The following VTA1 variants were observed in gnomAD, a reference collection of about 807,000 sequenced individuals.
VTA1 encodes vesicle trafficking 1.
Under a neutral mutation model 36.9 loss-of-function variants are expected in VTA1, and 24 were observed. The ratio of observed to expected loss-of-function variants is 0.65; its 90% CI spans 0.47 to 0.91. The LOEUF (loss-of-function observed/expected upper bound fraction) is 0.91. VTA1 is among the 40% of genes least tolerant of loss of function. The pLI, the probability that VTA1 is intolerant of heterozygous loss-of-function variation, is 0.00. For synonymous variants in VTA1, 142 were observed against 130.2 expected, an observed-to-expected ratio of 1.09 and a Z score of -0.62; for missense variants, 393 against 377.2, an observed-to-expected ratio of 1.04 and a Z score of -0.35.
chr6:142,206,939 TAACTC>T (rs1163486637), intron 7 of VTA1, among the ~76,000 whole-genome samples: 1 of 152,160 alleles, frequency 6.6e-6, no homozygotes, highest in Non-Finnish European at 1.5e-5. Context: ...TCTCAAAATT[TAACTC>T]AAAATGGTTC....
chr6:142,210,343 A>G (rs534783580), intron 7 of VTA1, among the ~76,000 whole-genome samples: 2 of 152,336 alleles, frequency 1.3e-5, no homozygotes, highest in African/African-American at 4.8e-5. Flanking sequence ...CATTAGAGAA[A>G]TGCTCCAGGA....
At chr6:142,200,119 G>A (rs1454086646) in intron 6 of VTA1, among the ~76,000 whole-genome samples, 1 of 152,070 alleles carries the variant, frequency 6.6e-6, no homozygotes, top group East Asian at 1.9e-4. Flanking sequence ...CCATGCTAAA[G>A]CATAAACTCA....
chr6:142,167,162 C>T (rs1774932676), intron 2 of VTA1, among the ~76,000 whole-genome samples: 2 of 152,096 alleles, frequency 1.3e-5, no homozygotes, highest in Admixed American at 6.5e-5. Context: ...TAATTAGTCA[C>T]CTTCTTGAAC....
intron 1 of VTA1, among the ~76,000 whole-genome samples, chr6:142,151,483 C>T (rs1778567355): frequency 6.6e-6 from 1 of 152,162 alleles, no homozygotes; most frequent in Non-Finnish European, 1.5e-5. Flanking sequence ...TTGTTTCATC[C>T]AAACAAGCTC....
intron 7 of VTA1, among the ~76,000 whole-genome samples, chr6:142,207,699 A>T (rs1331061261): frequency 1.3e-5 from 2 of 151,642 alleles, no homozygotes; most frequent in Admixed American, 1.3e-4. Context: ...GAAAACTGGA[A>T]TAAATAACTA....
intron 7 of VTA1, among the ~76,000 whole-genome samples, chr6:142,208,591 G>A (rs187849945): frequency 5.8e-4 from 89 of 152,140 alleles, no homozygotes; most frequent in South Asian, 1.0e-3. Flanking sequence ...TTTTAACACC[G>A]AACAGATTCA....
Position 142,218,578 on chromosome 6 carries a change from G to T in VTA1, c.859G>T (p.Asp287Tyr). 2 of 1,613,576 alleles carry T rather than the reference G, an allele frequency of 1.2e-6. No individual in the cohort carries two copies. The highest frequency in any genetic ancestry group is 1.3e-5 in the African/African-American group (1 of 75,012). ...KYAGSALQYE[D>Y]VSTAVQNLQK... ...TGCTGGCAGTGCTTTGCAGTATGAA[G>T]ATGTAAGCACTGCTGTCCAGAATCT... Residue 287 changes from aspartate (D) to tyrosine (Y), a missense_variant, in exon 8 of 8, where the codon GAT (aspartate) becomes TAT (tyrosine). Physicochemically the swap from Asp to Tyr is radical, Grantham distance 160. Coordinates refer to ENST00000367630, the MANE Select transcript of VTA1 (RefSeq NM_016485.5).
chr6:142,166,340 C>A lies in VTA1; in HGVS notation c.207+18C>A, dbSNP rs772550011. On this transcript the variant is annotated intron_variant, in intron 2 of 7. Coordinates refer to ENST00000367630, the MANE Select transcript of VTA1 (RefSeq NM_016485.5). ...TAGAAGCTGTAAGTTAACCACTGAT[C>A]ATTTATTTTCTGGTTATGGTTAAAA... The A allele has an allele frequency of 7.9e-6, 12 of 1,512,482 alleles. No individual in the cohort carries two copies. Among genetic ancestry groups the A allele is most frequent in the African/African-American group, 1.4e-5 (1 of 72,392 alleles). The allele number at this position is 1,512,482 out of a possible 1,614,324, so 93.7% of individuals were successfully genotyped here.
At chr6:142,172,441 C>G (rs1775045257) in intron 4 of VTA1, among the ~76,000 whole-genome samples, 1 of 152,218 alleles carries the variant, frequency 6.6e-6, no homozygotes, top group Non-Finnish European at 1.5e-5. Flanking sequence ...TATTTCAAAA[C>G]AGCCCTACCC....
chr6:142,164,747 A>T (rs1774882243), intron 1 of VTA1, among the ~76,000 whole-genome samples: 1 of 152,226 alleles, frequency 6.6e-6, no homozygotes, highest in Non-Finnish European at 1.5e-5. Context: ...CTATTATCCC[A>T]TGGAAACTTA....
chr6:142,210,379 G>A (rs922965904), intron 7 of VTA1, among the ~76,000 whole-genome samples: 1 of 152,058 alleles, frequency 6.6e-6, no homozygotes, highest in African/African-American at 2.4e-5. Flanking sequence ...AGATTTTTTT[G>A]TGTGTAAGAC....
At chr6:142,206,757 A>G (rs1775799358) in intron 7 of VTA1, among the ~76,000 whole-genome samples, 1 of 152,220 alleles carries the variant, frequency 6.6e-6, no homozygotes, top group South Asian at 2.1e-4. Flanking sequence ...CAAATAGATC[A>G]GTGAGACAGA....
intron 1 of VTA1, among the ~76,000 whole-genome samples, chr6:142,148,936 A>G (rs902272652): frequency 1.3e-5 from 2 of 152,142 alleles, no homozygotes; most frequent in African/African-American, 4.8e-5. Flanking sequence ...GAGTGATGGG[A>G]TAAGGTCAAA....
At chr6:142,181,116 T>TATATATATACAC (rs753996612) in intron 4 of VTA1, among the ~76,000 whole-genome samples, 8 of 87,068 alleles carry the variant, frequency 9.2e-5, no homozygotes, top group Non-Finnish European at 1.1e-4. Flanking sequence ...TATATATATA[T>TATATATATACAC]ACACACACAC....
At chr6:142,205,943 CAAAG>C (rs1775783710) in intron 7 of VTA1, among the ~76,000 whole-genome samples, 2 of 152,070 alleles carry the variant, frequency 1.3e-5, no homozygotes, top group African/African-American at 2.4e-5. Context: ...GACTTAGACA[CAAAG>C]AACATTCTCC....
At chr6:142,159,207 A>T (rs903338467) in intron 1 of VTA1, among the ~76,000 whole-genome samples, 3 of 151,824 alleles carry the variant, frequency 2.0e-5, no homozygotes, top group Non-Finnish European at 2.9e-5. Context: ...CAAAAATACA[A>T]TAAGAAATTA....
At chr6:142,192,496 T>C (rs1195742599) in intron 5 of VTA1, among the ~76,000 whole-genome samples, 2 of 151,988 alleles carry the variant, frequency 1.3e-5, no homozygotes, top group East Asian at 3.8e-4. Flanking sequence ...TCATTTTATA[T>C]GGTAAATTTG....
chr6:142,191,485 C>G (rs189036760), intron 5 of VTA1, among the ~76,000 whole-genome samples: 1 of 151,990 alleles, frequency 6.6e-6, no homozygotes, highest in African/African-American at 2.4e-5. Context: ...TAGGCCCTTA[C>G]GATTAATAAT....
At chr6:142,191,559 G>A (rs1775456893) in intron 5 of VTA1, among the ~76,000 whole-genome samples, 2 of 152,074 alleles carry the variant, frequency 1.3e-5, no homozygotes, top group South Asian at 4.1e-4. Flanking sequence ...TTAAATGGAA[G>A]TTGTCATTTC....
Sources: gnomAD v4.1 joint callset for allele counts (sites outside exome capture counted in the v4.1 genomes callset) on GRCh38, gnomAD v4.1.1 for gene constraint, MANE v1.5 for transcripts, NCBI Gene and HGNC (gene_info 2026-07-23, HGNC 2026-07-21) for gene names.